The following ZMYM5 variants were observed in gnomAD, a reference collection of about 807,000 sequenced individuals.
ZMYM5 encodes the protein zinc finger MYM-type protein 5.
A neutral mutation model predicts 61.8 loss-of-function variants in ZMYM5; 41 were observed. The observed-to-expected ratio is 0.66, with a 90% CI of 0.52 to 0.86. ZMYM5 has a LOEUF of 0.86. Among genes scored for constraint, ZMYM5 ranks in the 40% least tolerant of loss-of-function variants. The pLI, the probability that ZMYM5 is intolerant of heterozygous loss-of-function variation, is 0.00. For missense variants in ZMYM5, 706 were observed against 786.7 expected, an observed-to-expected ratio of 0.90 and a Z score of 1.23; for synonymous variants, 257 against 276.4, an observed-to-expected ratio of 0.93 and a Z score of 0.70.
intron 2 of ZMYM5, among the ~76,000 whole-genome samples, chr13:19,858,610 A>G (rs547741296): frequency 2.0e-4 from 27 of 138,032 alleles, no homozygotes; most frequent in Admixed American, 1.8e-3. Context: ...AAAAAAAAAG[A>G]TGGCCGATTG....
chr13:19,857,971 C>G (rs143316552), intron 2 of ZMYM5, among the ~76,000 whole-genome samples: 2,170 of 152,038 alleles, frequency 0.014, 51 homozygotes, highest in African/African-American at 0.05. Context: ...CATGATCACA[C>G]CACTGCACTC....
Position 19,837,745 on chromosome 13 carries a change from A to G in ZMYM5, c.949T>C (p.Ser317Pro), listed in dbSNP as rs1952720173. The change falls in exon 6 of 8, where the codon TCT becomes CCT. Residue 317 changes from serine (S) to proline (P), a missense_variant. Transcript: ENST00000337963. The part of the protein sequence containing the change: ...SKSFQEFYST[S>P]CLSPCENNWN... The stretch of plus-strand genomic sequence containing the variant: ...TTGTTTTCACAGGGAGACAAACAAG[A>G]TGTACTATAAAATTCTTGGAAGGAT... 1 of 1,587,188 alleles carries G rather than the reference A, an allele frequency of 6.3e-7. No homozygotes were observed. The highest frequency in any genetic ancestry group is 1.2e-5 in the South Asian group (1 of 85,326).
chr13:19,862,861 G>A (rs1953823212), intron 1 of ZMYM5, among the ~76,000 whole-genome samples: 1 of 152,162 alleles, frequency 6.6e-6, no homozygotes, highest in African/African-American at 2.4e-5. Context: ...TCACCTCTGG[G>A]CCCACAGTTG....
chr13:19,848,572 C>T lies in ZMYM5; in HGVS notation c.586+2783G>A, dbSNP rs193109046. 1.9e-3 allele frequency among the ~76,000 whole-genome samples: 289 copies of T among 151,488 alleles called. 2 individuals carry two copies. The highest frequency in any genetic ancestry group is 6.4e-3 in the African/African-American group (264 of 41,230). ...TTTTTTGAGACAAGTCTCACTTTGTCGCCCAGGCTGGAGTGCAGTGGAGTG... is the reference window on the plus strand; with the variant it reads ...TTTTTTGAGACAAGTCTCACTTTGTTGCCCAGGCTGGAGTGCAGTGGAGTG... On this transcript the variant is annotated intron_variant, in intron 4 of 7. Transcript: ENST00000337963.
chr13:19,860,626 C>CG (rs1472938330), intron 2 of ZMYM5, among the ~76,000 whole-genome samples: 1 of 151,360 alleles, frequency 6.6e-6, no homozygotes, highest in African/African-American at 2.4e-5. Flanking sequence ...TTAGTAGAGA[C>CG]GGGGTTTCAC....
Position 19,823,557 on chromosome 13 carries a change from A to G in ZMYM5, c.*920T>C, listed in dbSNP as rs1050362062. 6.6e-6 allele frequency: 1 copy of G among 152,156 alleles called. No homozygotes were observed. Among genetic ancestry groups the G allele is most frequent in the Admixed American group, 6.6e-5 (1 of 15,256 alleles). 9.4% of individuals were successfully genotyped at this position (152,156 alleles called of 1,614,324 possible). ...AAATAGGTAAATATAGTTCACATAC[A>G]ATAATAAATGCTAAAACATTTACAA... On this transcript the variant is annotated 3_prime_UTR_variant, in exon 8 of 8. Transcript: ENST00000337963.
In ZMYM5 at chr13:19,849,634, T is replaced by C. The variant is rs185854589; in HGVS notation, c.586+1721A>G. On this transcript the variant is annotated intron_variant, in intron 4 of 7. Coordinates refer to ENST00000337963, the MANE Select transcript of ZMYM5 (RefSeq NM_001142684.2). ...CTATGATTTTTTTCTAAATATTCTA[T>C]AATAATCACATAGTATTTCGTAACC... 4.4e-4 allele frequency among the ~76,000 whole-genome samples: 67 copies of C among 152,286 alleles called. 1 individual carries two copies. The highest frequency in any genetic ancestry group is 8.9e-4 in the African/African-American group (37 of 41,566).
At chr13:19,863,081 G>C (rs1676424842) in intron 1 of ZMYM5, among the ~76,000 whole-genome samples, 1 of 152,192 alleles carries the variant, frequency 6.6e-6, no homozygotes, top group Non-Finnish European at 1.5e-5. Context: ...GCGCGGTCCT[G>C]ACAGCGAAGA....
chr13:19,829,627 CAGG>C (rs1220422058), intron 7 of ZMYM5, among the ~76,000 whole-genome samples: 1 of 152,064 alleles, frequency 6.6e-6, no homozygotes, highest in Non-Finnish European at 1.5e-5. Flanking sequence ...CTTTGTTGCC[CAGG>C]AGGAGTACAG....
intron 6 of ZMYM5, among the ~76,000 whole-genome samples, chr13:19,837,153 T>A (rs1318538785): frequency 6.6e-6 from 1 of 151,914 alleles, no homozygotes; most frequent in Admixed American, 6.6e-5. Context: ...TGCCTCAGCC[T>A]CCCAAGTAGC....
intron 7 of ZMYM5, among the ~76,000 whole-genome samples, chr13:19,834,005 T>C (rs547700735): frequency 5.2e-4 from 79 of 152,236 alleles, no homozygotes; most frequent in Admixed American, 3.0e-3. Flanking sequence ...AGACAGAGCG[T>C]TGCTCTTGCT....
In ZMYM5 at chr13:19,851,839, A is replaced by C. The variant is rs1187212972; in HGVS notation, c.342T>G (p.Ser114Arg). ...CTTCATCATCAATAACAATTGTCTC[A>C]CTTATATTTCCTTTCTGAGATGCCA... is the stretch of plus-strand genomic sequence containing the variant. ...RDLASQKGNI[S>R]ETIVIDDEED... Residue 114 changes from serine (S) to arginine (R), a missense_variant, in exon 3 of 8, where the codon AGT (serine) becomes AGG (arginine). This residue lies in a region of ZMYM5 where 480 missense variants were observed against 461.7 expected (regional missense o/e 1.04). Coordinates refer to ENST00000337963, the MANE Select transcript of ZMYM5 (RefSeq NM_001142684.2). 2 of 1,612,566 alleles carry C rather than the reference A, an allele frequency of 1.2e-6. No individual in the cohort carries two copies. Among genetic ancestry groups the C allele is most frequent in the Non-Finnish European group, 1.7e-6 (2 of 1,179,750 alleles).
Position 19,824,896 on chromosome 13 carries a change from T to C in ZMYM5, c.1591A>G (p.Ile531Val), listed in dbSNP as rs1434844931. The change falls in exon 8 of 8, where the codon ATT becomes GTT. Residue 531 changes from isoleucine to valine, a missense_variant. Ile to Val is a conservative substitution (Grantham distance 29). Transcript: ENST00000337963. ...TCAACAAGAGTGTCCCGTTGTTTAATATTCAAAATTCGGGGCCACGTACCT... is the reference window on the plus strand; with the variant it reads ...TCAACAAGAGTGTCCCGTTGTTTAACATTCAAAATTCGGGGCCACGTACCT... ...DPGTWPRILN[I>V]KQRDTLVENV... The C allele has an allele frequency of 2.2e-6, 3 of 1,358,066 alleles. No individual in the cohort carries two copies. The highest frequency in any genetic ancestry group is 3.9e-5 in the Admixed American group (2 of 50,844). 84.1% of individuals were successfully genotyped at this position (1,358,066 alleles called of 1,614,324 possible).
rs370871614 is a variant in ZMYM5, at chr13:19,833,261, A to C, written c.1251+2216T>G. Among the ~76,000 whole-genome samples, 24 of 152,306 alleles carry C rather than the reference A, an allele frequency of 1.6e-4. 1 individual carries two copies. The highest frequency in any genetic ancestry group is 7.7e-4 in the East Asian group (4 of 5,188). On this transcript the variant is annotated intron_variant, in intron 7 of 7. Transcript: ENST00000337963. Reference sequence around the variant, plus strand: ...AACCAATTAAATTCTCATCCAGTGAAATGGGGGTTAAGAATATTTCCAGTT... The same window carrying C: ...AACCAATTAAATTCTCATCCAGTGACATGGGGGTTAAGAATATTTCCAGTT...
intron 4 of ZMYM5, among the ~76,000 whole-genome samples, chr13:19,848,452 T>C (rs774213507): frequency 1.3e-5 from 2 of 151,978 alleles, no homozygotes; most frequent in Non-Finnish European, 2.9e-5. Context: ...CATCCATTAT[T>C]ATTATTTTTT....
At chr13:19,858,444 G>A (rs957796617) in intron 2 of ZMYM5, among the ~76,000 whole-genome samples, 1 of 151,662 alleles carries the variant, frequency 6.6e-6, no homozygotes, top group Non-Finnish European at 1.5e-5. Flanking sequence ...AATTAGCCAG[G>A]CATAGTGGCA....
At chr13:19,851,299 A>T in intron 4 of ZMYM5, 56 bp downstream of exon 4, 1 of 1,452,518 alleles carries the variant, frequency 6.9e-7, no homozygotes, top group Non-Finnish European at 9.6e-7. Context: ...CTTTACTAAA[A>T]AGAACAGCCA....
rs1273665688 is a variant in ZMYM5, at chr13:19,837,694, T to C, written c.1000A>G (p.Asn334Asp). The C allele has an allele frequency of 6.3e-7, 1 of 1,579,056 alleles. No homozygotes were observed. The highest frequency in any genetic ancestry group is 2.3e-5 in the East Asian group (1 of 44,434). Residue 334 changes from asparagine to aspartate, a missense_variant, in exon 6 of 8, where the codon AAT becomes GAT. Physicochemically the swap from Asn to Asp is conservative, Grantham distance 23. Around this residue, in one of 2 missense-constraint regions of ZMYM5, gnomAD observed 480 missense variants for 461.7 expected, o/e 1.04. Coordinates refer to ENST00000337963, the MANE Select transcript of ZMYM5 (RefSeq NM_001142684.2). ...CTACAAATTGTACATCTTGACTTAT[T>C]AAAAACTCCTTTTTTAAGATTCCAG... is the stretch of plus-strand genomic sequence containing the variant. ...NNWNLKKGVF[N>D]KSRCTICSKL...
intron 7 of ZMYM5, among the ~76,000 whole-genome samples, chr13:19,834,668 G>T (rs912252332): frequency 2.4e-4 from 36 of 152,092 alleles, no homozygotes; most frequent in African/African-American, 8.7e-4. Flanking sequence ...AGAAAAATTA[G>T]TCTTTTAAAT....
Sources: gnomAD v4.1 joint callset for allele counts (sites outside exome capture counted in the v4.1 genomes callset) on GRCh38, gnomAD v4.1.1 for gene constraint, gnomAD v4.1.1 regional missense constraint, MANE v1.5 for transcripts, NCBI Gene and HGNC (gene_info 2026-07-23, HGNC 2026-07-21) for gene names.